CFAP299: variants seen among roughly 807,000 people sequenced by gnomAD.
CFAP299 encodes the protein cilia- and flagella-associated protein 299.
Under a neutral mutation model 27.0 loss-of-function variants are expected in CFAP299, and 21 were observed. The ratio of observed to expected loss-of-function variants is 0.78; its 90% CI spans 0.55 to 1.12. The LOEUF (loss-of-function observed/expected upper bound fraction) is 1.12, where lower values mean the gene tolerates loss of function less well. Among genes scored for constraint, CFAP299 ranks in the 50% most tolerant of loss-of-function variants. The probability of loss-of-function intolerance (pLI) is 0.00; values close to 1 mark genes in which losing one functional copy is unlikely to be tolerated. For missense variants in CFAP299, 310 were observed against 276.6 expected, an observed-to-expected ratio of 1.12 and a Z score of -0.86; for synonymous variants, 104 against 98.1, an observed-to-expected ratio of 1.06 and a Z score of -0.36.
At chr4:80,917,089 A>G (rs910399324) in intron 4 of CFAP299, among the ~76,000 whole-genome samples, 1 of 152,172 alleles carries the variant, frequency 6.6e-6, no homozygotes, top group Non-Finnish European at 1.5e-5. Context: ...AAAGGAAGGT[A>G]GGAGTCAGAG....
chr4:80,550,676 T>C (rs1222539420), intron 2 of CFAP299, among the ~76,000 whole-genome samples: 5 of 152,030 alleles, frequency 3.3e-5, no homozygotes, highest in Non-Finnish European at 5.9e-5. Context: ...ATGTTTCTAA[T>C]TTAACTTTCT....
intron 2 of CFAP299, among the ~76,000 whole-genome samples, chr4:80,545,953 C>G (rs1439822581): frequency 6.6e-6 from 1 of 152,154 alleles, no homozygotes; most frequent in Non-Finnish European, 1.5e-5. Flanking sequence ...TCAGCATACA[C>G]AAATCAATAA....
At chr4:80,373,315 T>C (rs1030596559) in intron 2 of CFAP299, among the ~76,000 whole-genome samples, 1 of 152,084 alleles carries the variant, frequency 6.6e-6, no homozygotes, top group Non-Finnish European at 1.5e-5. Context: ...GATTCAGTAG[T>C]CCATTAACTG....
chr4:80,477,525 G>A lies in CFAP299; in HGVS notation c.243-105568G>A, dbSNP rs181454802. ...CTTTCCTTCATTGAGCTTGTTCACC[G>A]CCATGCACATCCATCTTATCCCACG... On this transcript the variant is annotated intron_variant, in intron 2 of 5. Coordinates refer to ENST00000358105, the MANE Select transcript of CFAP299 (RefSeq NM_152770.3). Among the ~76,000 whole-genome samples the A allele has an allele frequency of 3.4e-4, 52 of 152,088 alleles. 1 individual carries two copies. The East Asian group carries it at 9.3e-3, about 27-fold the overall frequency.
intron 2 of CFAP299, among the ~76,000 whole-genome samples, chr4:80,371,112 C>A (rs1423551646): frequency 6.6e-6 from 1 of 152,212 alleles, no homozygotes; most frequent in Non-Finnish European, 1.5e-5. Flanking sequence ...TTGAAGCCAT[C>A]AAGGCTATGG....
chr4:80,412,175 G>A lies in CFAP299; in HGVS notation c.242+49291G>A, dbSNP rs535754987. On this transcript the variant is annotated intron_variant, in intron 2 of 5. Coordinates refer to ENST00000358105, the MANE Select transcript of CFAP299 (RefSeq NM_152770.3). ...CCTGTACTGTGCTTCCCTTCTGTTGGAGACCACTTGCCTATCCAAACTTTC... is the reference window on the plus strand; with the variant it reads ...CCTGTACTGTGCTTCCCTTCTGTTGAAGACCACTTGCCTATCCAAACTTTC... Among the ~76,000 whole-genome samples the A allele has an allele frequency of 1.2e-4, 19 of 152,064 alleles. No individual in the cohort carries two copies. The South Asian group carries it at 3.5e-3, about 28-fold the overall frequency.
At chr4:80,332,771 T>G (rs1721986418), upstream of CFAP299, among the ~76,000 whole-genome samples, 1 of 152,204 alleles carries the variant, frequency 6.6e-6, no homozygotes, top group African/African-American at 2.4e-5. Flanking sequence ...AACTGGCAGC[T>G]CCACATTTAT....
chr4:80,790,105 TAAAC>T (rs1248904868), intron 3 of CFAP299, among the ~76,000 whole-genome samples: 1 of 152,046 alleles, frequency 6.6e-6, no homozygotes, highest in Non-Finnish European at 1.5e-5. Context: ...CTTTTGTGTG[TAAAC>T]TAAGATTTAG....
At chr4:80,841,175 C>G (rs141570882) in intron 3 of CFAP299, among the ~76,000 whole-genome samples, 1 of 152,100 alleles carries the variant, frequency 6.6e-6, no homozygotes, top group African/African-American at 2.4e-5. Flanking sequence ...TTAACCAGCA[C>G]TCATTTCACT....
upstream of CFAP299, among the ~76,000 whole-genome samples, chr4:80,335,210 AC>A (rs1303077756): frequency 6.6e-6 from 1 of 152,214 alleles, no homozygotes; most frequent in African/African-American, 2.4e-5. Context: ...GTCTGCAAAG[AC>A]ATTTTTTTGA....
intron 3 of CFAP299, among the ~76,000 whole-genome samples, chr4:80,585,886 G>C (rs983163883): frequency 1.5e-4 from 23 of 152,140 alleles, no homozygotes; most frequent in African/African-American, 4.1e-4. Context: ...TGATTACTTA[G>C]GAGATAAAAT....
chr4:80,913,075 A>C (rs2110204911), intron 4 of CFAP299, among the ~76,000 whole-genome samples: 1 of 152,284 alleles, frequency 6.6e-6, no homozygotes, highest in African/African-American at 2.4e-5. Flanking sequence ...GGCACCTCCA[A>C]AACATGGGGC....
chr4:80,952,652 G>T (rs1448499841), intron 5 of CFAP299, among the ~76,000 whole-genome samples: 1 of 151,860 alleles, frequency 6.6e-6, no homozygotes, highest in African/African-American at 2.4e-5. Context: ...AGACACATAA[G>T]GTTTAAAATT....
chr4:80,468,322 C>T (rs905607176), intron 2 of CFAP299, among the ~76,000 whole-genome samples: 1 of 151,224 alleles, frequency 6.6e-6, no homozygotes, highest in African/African-American at 2.4e-5. Flanking sequence ...CTCCTGGGTT[C>T]AAGTGATTCT....
intron 4 of CFAP299, among the ~76,000 whole-genome samples, chr4:80,928,343 C>T (rs1736406208): frequency 6.6e-6 from 1 of 152,020 alleles, no homozygotes; most frequent in Admixed American, 6.6e-5. Flanking sequence ...GGACCCAAGC[C>T]CAACTATGGT....
At chr4:80,685,602 C>T (rs1342773420) in intron 3 of CFAP299, among the ~76,000 whole-genome samples, 1 of 123,776 alleles carries the variant, frequency 8.1e-6, no homozygotes. Context: ...ATATGTTACT[C>T]CACAGTGGAA....
intron 2 of CFAP299, among the ~76,000 whole-genome samples, chr4:80,403,375 G>C (rs1033902571): frequency 6.6e-6 from 1 of 152,188 alleles, no homozygotes; most frequent in East Asian, 1.9e-4. Context: ...TAACTTATTT[G>C]TGGATTCTAA....
chr4:80,653,561 C>T (rs1276331341), intron 3 of CFAP299, among the ~76,000 whole-genome samples: 1 of 151,958 alleles, frequency 6.6e-6, no homozygotes, highest in Non-Finnish European at 1.5e-5. Flanking sequence ...CAGTGGTCCC[C>T]AAACACATAC....
intron 1 of CFAP299, among the ~76,000 whole-genome samples, chr4:80,353,147 C>G (rs1255115882): frequency 2.0e-5 from 3 of 152,158 alleles, no homozygotes; most frequent in Admixed American, 2.0e-4. Flanking sequence ...ATAAAATTGA[C>G]AAACCCCTTA....
Sources: allele counts gnomAD v4.1 joint callset (sites outside exome capture counted in the v4.1 genomes callset), GRCh38; gene constraint gnomAD v4.1.1; transcripts MANE v1.5; gene names NCBI Gene and HGNC (gene_info 2026-07-23, HGNC 2026-07-21).